The following GALNT15 variants were observed in gnomAD, a reference collection of about 807,000 sequenced individuals.
GALNT15 encodes the protein UDP-GalNAc transferase T15.
In GALNT15, 67 loss-of-function variants were observed where a neutral mutation model predicts 66.8. The ratio of observed to expected loss-of-function variants is 1.00; its 90% CI spans 0.82 to 1.23. The LOEUF is 1.23. GALNT15 is among the 50% of genes most tolerant of loss of function. GALNT15 has a pLI of 0.00. For synonymous variants in GALNT15, 313 were observed against 311.5 expected, an observed-to-expected ratio of 1.00 and a Z score of -0.05; for missense variants, 827 against 804.3, an observed-to-expected ratio of 1.03 and a Z score of -0.34.
At chr3:16,210,198 A>C (rs775599071) in intron 4 of GALNT15, among the ~76,000 whole-genome samples, 2 of 152,196 alleles carry the variant, frequency 1.3e-5, no homozygotes, top group Non-Finnish European at 2.9e-5. Flanking sequence ...ATTATGAAAC[A>C]CTATTTTATC....
At chr3:16,194,683 A>G (rs1016408144) in intron 1 of GALNT15, among the ~76,000 whole-genome samples, 1 of 152,218 alleles carries the variant, frequency 6.6e-6, no homozygotes, top group Admixed American at 6.5e-5. Context: ...CTTTCCAGGG[A>G]CATGGATGGA....
intron 8 of GALNT15, 96 bp downstream of exon 8, chr3:16,220,110 T>C: frequency 1.1e-6 from 1 of 947,798 alleles, no homozygotes; most frequent in Middle Eastern, 2.1e-4. Flanking sequence ...CTTTGAGGTA[T>C]CTTCTTTCTG....
chr3:16,248,117 G>C, the GALNT15 span, among the ~76,000 whole-genome samples: 1,559 of 152,252 alleles, frequency 0.01, 57 homozygotes, highest in East Asian at 0.093. The surrounding 1 kb of genome is among the most constrained non-coding windows in gnomAD (Gnocchi z 4.9). Flanking sequence ...TATCGTTCAA[G>C]CTACTGTTCA....
rs1346848789 is a variant in GALNT15, at chr3:16,174,963, G to A, written c.-189G>A. On this transcript the variant is annotated 5_prime_UTR_variant, in exon 1 of 10. The change creates a premature stop within an existing upstream ORF in the 5' untranslated region. Transcript: ENST00000339732. The surrounding 1 kb of genome is among the most constrained non-coding windows in gnomAD (Gnocchi z 4.7). The stretch of plus-strand genomic sequence containing the variant: ...CTTGGGGTGAAACTTGGGTCCTGTG[G>A]TTTTCTGATTGTAAGTGGAAGCAGG... The A allele has an allele frequency of 1.7e-6, 1 of 582,036 alleles. No homozygotes were observed. Among genetic ancestry groups the A allele is most frequent in the East Asian group, 2.8e-5 (1 of 36,062 alleles). 36.1% of individuals were successfully genotyped at this position (582,036 alleles called of 1,614,324 possible).
At position 16,204,218 on chromosome 3, in the gene GALNT15, G is replaced by A. The variant is rs748674398; in HGVS notation, c.911+3395G>A. ...CCTAGCAGGTTCCCACTAGCCATGTGGCAACTTTATTTGAATTGGTAGAAA... is the reference window on the plus strand; with the variant it reads ...CCTAGCAGGTTCCCACTAGCCATGTAGCAACTTTATTTGAATTGGTAGAAA... On this transcript the variant is annotated intron_variant, in intron 3 of 9. Transcript: ENST00000339732. This position sits in a 1 kb window ranked among gnomAD's most constrained non-coding sequence, Gnocchi z 4.5. Among the ~76,000 whole-genome samples, 24 of 152,188 alleles carry A rather than the reference G, an allele frequency of 1.6e-4. No homozygotes were observed. The highest frequency in any genetic ancestry group is 3.5e-4 in the Non-Finnish European group (24 of 67,992).
intron 8 of GALNT15, among the ~76,000 whole-genome samples, chr3:16,220,622 GTC>G (rs767806172): frequency 9.2e-5 from 14 of 152,174 alleles, no homozygotes; most frequent in Non-Finnish European, 1.9e-4. Context: ...TTGTCCCCAA[GTC>G]TCTCTCTTTT....
At position 16,228,069 on chromosome 3, in the gene GALNT15, G is replaced by A. The variant is rs1037049596; in HGVS notation, c.*569G>A. On this transcript the variant is annotated 3_prime_UTR_variant, in exon 10 of 10. Coordinates refer to ENST00000339732, the MANE Select transcript of GALNT15 (RefSeq NM_054110.5). ...GGAGGTTTAGGATTGCAGAGAAGAT[G>A]CAAGAGCACTTTGGCCCAATTCTCC... 1 of 986,122 alleles carries A rather than the reference G, an allele frequency of 1.0e-6. No homozygotes were observed. Among genetic ancestry groups the A allele is most frequent in the Admixed American group, 6.1e-5 (1 of 16,276 alleles). 61.1% of individuals were successfully genotyped at this position (986,122 alleles called of 1,614,324 possible).
chr3:16,232,469 A>AAT (rs374444719), downstream of GALNT15, among the ~76,000 whole-genome samples: 250 of 38,702 alleles, frequency 6.5e-3, 4 homozygotes, highest in East Asian at 0.012. Context: ...TAAATAAATA[A>AAT]ATATATATAT....
chr3:16,211,240 A>C lies in GALNT15; in HGVS notation c.1196A>C (p.Lys399Thr). The change falls in exon 5 of 10, where the codon AAG (lysine) becomes ACG (threonine). Residue 399 changes from lysine (K) to threonine (T), a missense_variant and splice_region_variant. Lys to Thr is a moderately conservative substitution (Grantham distance 78). Coordinates refer to ENST00000339732, the MANE Select transcript of GALNT15 (RefSeq NM_054110.5). This position sits in a 1 kb window ranked among gnomAD's most constrained non-coding sequence, Gnocchi z 4.3. ...GGTGAAAACCTCGAACTGTCTTTCAAGGTATGTCCTGGACCAAGGGAGGAC... is the reference window on the plus strand; with the variant it reads ...GGTGAAAACCTCGAACTGTCTTTCACGGTATGTCCTGGACCAAGGGAGGAC... ...RGGENLELSFKAWLCGGSVEI... is the reference protein window; with the variant it reads ...RGGENLELSFTAWLCGGSVEI... 6.3e-7 allele frequency: 1 copy of C among 1,597,592 alleles called. No homozygotes were observed. Among genetic ancestry groups the C allele is most frequent in the Non-Finnish European group, 8.6e-7 (1 of 1,164,880 alleles).
At chr3:16,233,995 G>C (rs1485765507), downstream of GALNT15, among the ~76,000 whole-genome samples, 3 of 152,176 alleles carry the variant, frequency 2.0e-5, no homozygotes, top group Non-Finnish European at 4.4e-5. Flanking sequence ...GATTTTCATA[G>C]AGGCAAGTAT....
chr3:16,179,568 AG>A (rs1182315496), intron 1 of GALNT15, among the ~76,000 whole-genome samples: 1 of 152,174 alleles, frequency 6.6e-6, no homozygotes, highest in African/African-American at 2.4e-5. Flanking sequence ...TGAGATACTC[AG>A]CCTGAGTTAG....
intron 4 of GALNT15, 128 bp from the exon 5 acceptor site, chr3:16,210,996 A>C (rs2063807406): frequency 6.1e-6 from 4 of 654,516 alleles, no homozygotes; most frequent in Non-Finnish European, 1.1e-5. Context: ...AAAAAATTGC[A>C]TTTTACCTGA....
At chr3:16,235,693 G>C (rs2657584), downstream of GALNT15, among the ~76,000 whole-genome samples, 2 of 151,878 alleles carry the variant, frequency 1.3e-5, no homozygotes, top group Admixed American at 1.3e-4. Flanking sequence ...TTTTAGTTAA[G>C]ACTTCCATAA....
At chr3:16,214,565 T>A (rs927859815) in intron 6 of GALNT15, among the ~76,000 whole-genome samples, 3 of 152,116 alleles carry the variant, frequency 2.0e-5, no homozygotes, top group Admixed American at 6.5e-5. Context: ...TCAAAAAAGG[T>A]CAACCAAGCA....
chr3:16,223,371 A>G (rs1324402068), intron 9 of GALNT15, among the ~76,000 whole-genome samples: 2 of 152,204 alleles, frequency 1.3e-5, no homozygotes, highest in South Asian at 4.1e-4. Context: ...GGATCGGAAG[A>G]TGACAGTATC....
intron 4 of GALNT15, among the ~76,000 whole-genome samples, chr3:16,208,955 G>T (rs2063785288): frequency 6.6e-6 from 1 of 152,168 alleles, no homozygotes; most frequent in African/African-American, 2.4e-5. Context: ...TATTCATAAA[G>T]TTCCGACAGG....
rs7616311 is a variant in GALNT15, at chr3:16,200,987, A to C, written c.911+164A>C. Among the ~76,000 whole-genome samples the C allele has an allele frequency of 0.085, 12,910 of 152,146 alleles. 838 individuals carry two copies. The highest frequency in any genetic ancestry group is 0.18 in the African/African-American group (7,286 of 41,446). The stretch of plus-strand genomic sequence containing the variant: ...ATGTGTAAGTTTTTTAAGACTATAG[A>C]GTTAGAGTTGGAAAGGAGGTTAGAG... On this transcript the variant is annotated intron_variant, in intron 3 of 9. Transcript: ENST00000339732. The surrounding 1 kb of genome is among the most constrained non-coding windows in gnomAD (Gnocchi z 4.4).
intron 6 of GALNT15, among the ~76,000 whole-genome samples, chr3:16,215,707 C>T (rs1158975456): frequency 1.3e-5 from 2 of 151,862 alleles, no homozygotes; most frequent in Admixed American, 1.3e-4. Context: ...GTCAAGAAAT[C>T]GAGACCATCC....
At chr3:16,208,152 C>T (rs1046330885) in intron 3 of GALNT15, among the ~76,000 whole-genome samples, 19 of 152,122 alleles carry the variant, frequency 1.2e-4, no homozygotes, top group Non-Finnish European at 2.5e-4. Flanking sequence ...ATAAATATAA[C>T]ACAAGCCACA....
Sources: gnomAD v4.1 joint callset for allele counts (sites outside exome capture counted in the v4.1 genomes callset) on GRCh38, gnomAD v4.1.1 for gene constraint, Gnocchi (gnomAD v3.1) non-coding constraint, MANE v1.5 for transcripts, NCBI Gene and HGNC (gene_info 2026-07-23, HGNC 2026-07-21) for gene names.